Variants in COL5A2 observed in about 807,000 individuals in gnomAD.
COL5A2 encodes collagen type V alpha 2 chain.
COL5A2 carries 23 observed loss-of-function variants against 208.2 expected under a neutral mutation model. The ratio of observed to expected loss-of-function variants is 0.11; its 90% CI spans 0.08 to 0.16. The LOEUF is 0.16. COL5A2 is among the 10% of genes least tolerant of loss of function. COL5A2 has a pLI of 1.00. For synonymous variants in COL5A2, 625 were observed against 628.5 expected (o/e 0.99, Z 0.08); for missense variants, 1,590 against 1,956.4 (o/e 0.81, Z 3.53).
chr2:189,086,611 T>A, intron 9 of COL5A2, 115 bp downstream of exon 9: 1 of 764,946 alleles, frequency 1.3e-6, no homozygotes, highest in Non-Finnish European at 2.2e-6. Flanking sequence ...AAGTGAGCAT[T>A]ACAATATAAA....
the COL5A2 span, among the ~76,000 whole-genome samples, chr2:189,256,704 T>C: frequency 6.6e-6 from 1 of 152,278 alleles, no homozygotes; most frequent in South Asian, 2.1e-4. Context: ...CAGACTGGAG[T>C]GCAGTGGTGC....
chr2:189,230,119 A>C (rs1380918633), upstream of COL5A2, among the ~76,000 whole-genome samples: 1 of 151,870 alleles, frequency 6.6e-6, no homozygotes, highest in Non-Finnish European at 1.5e-5. Context: ...TGTTGAAAAA[A>C]CTGGATATTT....
the COL5A2 span, among the ~76,000 whole-genome samples, chr2:189,246,311 G>T: frequency 7.2e-5 from 11 of 151,980 alleles, no homozygotes; most frequent in Admixed American, 2.6e-4. Flanking sequence ...GAATGTGATA[G>T]ATCAAAGCGT....
chr2:189,059,583 TGG>T (rs1685977873), intron 31 of COL5A2, among the ~76,000 whole-genome samples: 2 of 123,786 alleles, frequency 1.6e-5, no homozygotes, highest in Non-Finnish European at 3.4e-5. Context: ...TTTTCTTTTC[TGG>T]TTTTTTTTTT....
At chr2:189,110,630 A>G (rs1407529185) in intron 1 of COL5A2, among the ~76,000 whole-genome samples, 181 bp from the exon 2 acceptor site, 3 of 152,228 alleles carry the variant, frequency 2.0e-5, no homozygotes, top group Non-Finnish European at 1.5e-5. Context: ...CCATGAAATA[A>G]TGATAATGTA....
At chr2:189,282,199 A>AAT in the COL5A2 span, among the ~76,000 whole-genome samples, 170 of 151,212 alleles carry the variant, frequency 1.1e-3, no homozygotes, top group East Asian at 4.6e-3. Context: ...TATATAAATA[A>AAT]ATATATATAT....
chr2:189,265,714 T>C, the COL5A2 span, among the ~76,000 whole-genome samples: 1 of 152,054 alleles, frequency 6.6e-6, no homozygotes, highest in African/African-American at 2.4e-5. Flanking sequence ...ACCTAATAAA[T>C]GTATAAAAAG....
At chr2:189,273,745 G>A in the COL5A2 span, among the ~76,000 whole-genome samples, 1 of 152,090 alleles carries the variant, frequency 6.6e-6, no homozygotes, top group East Asian at 1.9e-4. Context: ...AAGTAAGTCA[G>A]GCACAGAAAG....
chr2:189,072,895 A>G (rs1686308876), intron 17 of COL5A2, among the ~76,000 whole-genome samples: 1 of 152,178 alleles, frequency 6.6e-6, no homozygotes, highest in Admixed American at 6.5e-5. Flanking sequence ...CATTGATTAA[A>G]AGACTAAATT....
chr2:189,139,436 A>T (rs1559121647), intron 1 of COL5A2, among the ~76,000 whole-genome samples: 1 of 152,170 alleles, frequency 6.6e-6, no homozygotes, highest in African/African-American at 2.4e-5. Flanking sequence ...ATGGTACAAA[A>T]TATCAGGCCA....
the COL5A2 span, among the ~76,000 whole-genome samples, chr2:189,267,608 G>A: frequency 6.6e-6 from 1 of 152,146 alleles, no homozygotes; most frequent in Non-Finnish European, 1.5e-5. Context: ...GGAAATTGGG[G>A]AATGAGGATA....
intron 2 of COL5A2, among the ~76,000 whole-genome samples, chr2:189,109,425 C>T (rs1687215976): frequency 6.6e-6 from 1 of 151,196 alleles, no homozygotes; most frequent in South Asian, 2.1e-4. Context: ...CTGTTGAAAC[C>T]TTTATTGTAT....
At chr2:189,403,262 T>C in the COL5A2 span, among the ~76,000 whole-genome samples, 1 of 152,358 alleles carries the variant, frequency 6.6e-6, no homozygotes, top group Non-Finnish European at 1.5e-5. Context: ...ATTGATTTTG[T>C]ATCCTGAGAC....
At position 189,179,522 on chromosome 2, in the gene COL5A2, T is replaced by G; in HGVS notation, c.83A>C (p.Glu28Ala). The change falls in exon 1 of 54, where the codon GAA (glutamate) becomes GCA (alanine). Residue 28 changes from glutamate to alanine, a missense_variant. Coordinates refer to ENST00000374866, the MANE Select transcript of COL5A2 (RefSeq NM_000393.5). The stretch of plus-strand genomic sequence containing the variant: ...GGCAAACTCACCATCCTCGTCTTCT[T>G]CCTGGGCTTTTATTGAGACAAATTG... ...LGQFVSIKAQ[E>A]EDEDEGYGEE... 6.2e-7 allele frequency: 1 copy of G among 1,611,894 alleles called. No individual in the cohort carries two copies. Among genetic ancestry groups the G allele is most frequent in the South Asian group, 1.1e-5 (1 of 90,546 alleles).
the COL5A2 span, among the ~76,000 whole-genome samples, chr2:189,358,944 T>C: frequency 1.3e-5 from 2 of 152,078 alleles, no homozygotes; most frequent in Non-Finnish European, 2.9e-5. Context: ...TTGCTAAATT[T>C]GTCTATCAAT....
chr2:189,145,797 G>C (rs964075275), intron 1 of COL5A2, among the ~76,000 whole-genome samples: 2 of 151,920 alleles, frequency 1.3e-5, no homozygotes, highest in Non-Finnish European at 2.9e-5. Flanking sequence ...ATTATTTTCT[G>C]AAAAGGAAAA....
intron 2 of COL5A2, among the ~76,000 whole-genome samples, chr2:189,107,287 G>C (rs1687170437): frequency 6.6e-6 from 1 of 151,420 alleles, no homozygotes; most frequent in Non-Finnish European, 1.5e-5. Context: ...GTTTCTACCA[G>C]AGCTAGTCTT....
intron 51 of COL5A2, among the ~76,000 whole-genome samples, chr2:189,037,155 A>G (rs967304687): frequency 9.9e-5 from 15 of 152,218 alleles, no homozygotes; most frequent in African/African-American, 3.6e-4. Flanking sequence ...AGCAAATTAG[A>G]ATGAGTGTAA....
At chr2:189,373,420 C>A in the COL5A2 span, among the ~76,000 whole-genome samples, 1 of 152,092 alleles carries the variant, frequency 6.6e-6, no homozygotes, top group African/African-American at 2.4e-5. Flanking sequence ...AAATATTCAT[C>A]AACCAAAGGG....
Sources: gnomAD v4.1 joint callset for allele counts (sites outside exome capture counted in the v4.1 genomes callset) on GRCh38, gnomAD v4.1.1 for gene constraint, MANE v1.5 for transcripts, NCBI Gene and HGNC (gene_info 2026-07-23, HGNC 2026-07-21) for gene names.